Variants in NBEAL1 observed in about 807,000 individuals in gnomAD.
NBEAL1 encodes neurobeachin-like protein 1.
Under a neutral mutation model 351.3 loss-of-function variants are expected in NBEAL1, and 273 were observed. That is an observed-to-expected ratio of 0.78 (90% CI 0.70 to 0.86). The LOEUF is 0.86. Ranked by LOEUF, NBEAL1 falls within the 40% of genes least tolerant of loss-of-function variation. The pLI is 0.00. For missense variants in NBEAL1, 2,961 were observed against 3,201.3 expected (o/e 0.92, Z 1.81); for synonymous variants, 1,050 against 1,086.4 (o/e 0.97, Z 0.66).
Position 203,223,575 on chromosome 2 carries a change from A to T in NBEAL1, c.*6221A>T, listed in dbSNP as rs2065978411. Among the ~76,000 whole-genome samples, 1 of 152,082 alleles carries T rather than the reference A, an allele frequency of 6.6e-6. No individual in the cohort carries two copies. The highest frequency in any genetic ancestry group is 1.5e-5 in the Non-Finnish European group (1 of 67,924). On this transcript the variant is annotated 3_prime_UTR_variant, in exon 56 of 56. Coordinates refer to ENST00000683969, the MANE Select transcript of NBEAL1 (RefSeq NM_001378026.1). Reference sequence around the variant, plus strand: ...GTAAGATGAAGAAAAATTAGGATTTAGGTGGGATTTTTAAAAATTTATCAA... The same window carrying T: ...GTAAGATGAAGAAAAATTAGGATTTTGGTGGGATTTTTAAAAATTTATCAA...
At chr2:203,150,735 A>G (rs530066176) in intron 34 of NBEAL1, among the ~76,000 whole-genome samples, 20 of 152,242 alleles carry the variant, frequency 1.3e-4, no homozygotes, top group African/African-American at 4.6e-4. Context: ...ACTTGCAATT[A>G]TATTGCCTTT....
intron 2 of NBEAL1, among the ~76,000 whole-genome samples, chr2:203,019,982 T>C (rs2060740951): frequency 6.6e-6 from 1 of 152,194 alleles, no homozygotes; most frequent in Non-Finnish European, 1.5e-5. Flanking sequence ...TTGATTTTAT[T>C]TTTAATTGAT....
intron 36 of NBEAL1, among the ~76,000 whole-genome samples, chr2:203,162,019 A>ATTTTTT (rs780529337): frequency 2.3e-4 from 25 of 107,216 alleles, no homozygotes; most frequent in Non-Finnish European, 3.1e-4. Flanking sequence ...ATTTGATTTG[A>ATTTTTT]TTTTTTTTTT....
chr2:203,080,169 G>A (rs1574941436), intron 8 of NBEAL1, among the ~76,000 whole-genome samples: 1 of 152,034 alleles, frequency 6.6e-6, no homozygotes, highest in East Asian at 1.9e-4. Flanking sequence ...CAGCACTTTG[G>A]GAGGCTGAGG....
intron 10 of NBEAL1, among the ~76,000 whole-genome samples, chr2:203,094,898 G>T (rs1276589543): frequency 6.6e-6 from 1 of 152,170 alleles, no homozygotes; most frequent in East Asian, 1.9e-4. Flanking sequence ...AAGGCAGGCG[G>T]ATCATCTGAG....
intron 55 of NBEAL1, among the ~76,000 whole-genome samples, chr2:203,214,050 A>AT (rs968005132): frequency 1.3e-5 from 2 of 152,204 alleles, no homozygotes; most frequent in African/African-American, 4.8e-5. Flanking sequence ...TAAAAGCATC[A>AT]TTTTTTATTT....
intron 41 of NBEAL1, among the ~76,000 whole-genome samples, chr2:203,173,521 G>T (rs948065403): frequency 2.0e-5 from 3 of 152,066 alleles, no homozygotes; most frequent in Admixed American, 1.3e-4. Context: ...AGATTGATAT[G>T]AAAGTAGGTG....
intron 6 of NBEAL1, among the ~76,000 whole-genome samples, chr2:203,064,349 G>A (rs954251460): frequency 2.6e-5 from 4 of 152,042 alleles, no homozygotes; most frequent in Non-Finnish European, 5.9e-5. Context: ...CACTGCGCCC[G>A]GCCATGTGTA....
At chr2:203,089,315 C>T (rs1274325715) in intron 10 of NBEAL1, among the ~76,000 whole-genome samples, 2 of 151,626 alleles carry the variant, frequency 1.3e-5, no homozygotes, top group Non-Finnish European at 2.9e-5. Flanking sequence ...GCCGAGATCA[C>T]CCCACTGCAC....
At position 203,107,618 on chromosome 2, in the gene NBEAL1, G is replaced by T. The variant is rs1205971498; in HGVS notation, c.1379G>T (p.Gly460Val). The T allele has an allele frequency of 6.4e-7, 1 of 1,551,658 alleles. No individual in the cohort carries two copies. Among genetic ancestry groups the T allele is most frequent in the East Asian group, 2.4e-5 (1 of 40,960 alleles). The change falls in exon 14 of 56, where the codon GGT becomes GTT. Residue 460 changes from glycine (G) to valine (V), a missense_variant. Gly to Val is a moderately radical substitution (Grantham distance 109, BLOSUM62 -3). Transcript: ENST00000683969. ...TATGTTGCTTTTCAGGCTGTAGAGG[G>T]TGACCACACTTCAGTTGGGATTTTG... is the stretch of plus-strand genomic sequence containing the variant. Reference protein sequence around the residue: ...LKELMNMAVEGDHTSVGILGI... With the variant: ...LKELMNMAVEVDHTSVGILGI...
chr2:203,134,401 T>G (rs1178640069), intron 27 of NBEAL1, among the ~76,000 whole-genome samples: 3 of 152,192 alleles, frequency 2.0e-5, no homozygotes, highest in Non-Finnish European at 4.4e-5. Flanking sequence ...ACCTATAAAG[T>G]AACAGTTGCT....
At chr2:203,085,995 C>T (rs1015978340) in intron 10 of NBEAL1, 1 of 152,164 alleles carries the variant, frequency 6.6e-6, no homozygotes, top group Non-Finnish European at 1.5e-5. Context: ...AATTTTGAAG[C>T]AACCAGCTAC....
intron 12 of NBEAL1, among the ~76,000 whole-genome samples, chr2:203,106,465 A>G (rs1018936107): frequency 1.3e-5 from 2 of 152,146 alleles, no homozygotes; most frequent in Non-Finnish European, 2.9e-5. Context: ...CTTAATCTCC[A>G]TCTAATACTA....
In NBEAL1 at chr2:203,040,082, A is replaced by G. The variant is rs535129705; in HGVS notation, c.52-1683A>G. 4.3e-5 allele frequency: 34 copies of G among 783,304 alleles called. No homozygotes were observed. In the African/African-American group the frequency reaches 5.3e-4, roughly 12 times the overall value. The allele number at this position is 783,304 out of a possible 1,614,324, so 48.5% of individuals were successfully genotyped here. A position where few individuals can be genotyped will look rare whatever the true frequency, so the allele number is the denominator to read the frequency against. On this transcript the variant is annotated intron_variant, in intron 2 of 55. Coordinates refer to ENST00000683969, the MANE Select transcript of NBEAL1 (RefSeq NM_001378026.1). ...AAAATGACTTGGGGTGGGGTTGTGCATGATCAGTCCTTCAACACTAGAAAG... is the reference window on the plus strand; with the variant it reads ...AAAATGACTTGGGGTGGGGTTGTGCGTGATCAGTCCTTCAACACTAGAAAG...
chr2:203,057,386 A>G lies in NBEAL1; in HGVS notation c.448A>G (p.Ile150Val). ...ADQTCIEEFVIHALAFCESLY... is the reference protein window; with the variant it reads ...ADQTCIEEFVVHALAFCESLY... The stretch of plus-strand genomic sequence containing the variant: ...TCAGACATGTATTGAAGAATTTGTG[A>G]TCCACGCATTGGCATTTTGTGAAAG... The change falls in exon 6 of 56, where the codon ATC (isoleucine) becomes GTC (valine). Residue 150 changes from isoleucine to valine, a missense_variant. Ile to Val is a conservative substitution (Grantham distance 29). Transcript: ENST00000683969. 1 of 1,552,724 alleles carries G rather than the reference A, an allele frequency of 6.4e-7. No individual in the cohort carries two copies. The highest frequency in any genetic ancestry group is 8.7e-7 in the Non-Finnish European group (1 of 1,146,704).
intron 29 of NBEAL1, among the ~76,000 whole-genome samples, chr2:203,137,290 T>A (rs986554448): frequency 3.3e-5 from 5 of 152,238 alleles, no homozygotes; most frequent in Non-Finnish European, 5.9e-5. Flanking sequence ...GTGATTTTTT[T>A]AAGCTCATCA....
At chr2:203,162,247 C>T in intron 36 of NBEAL1, among the ~76,000 whole-genome samples, 1 of 151,890 alleles carries the variant, frequency 6.6e-6, no homozygotes, top group East Asian at 1.9e-4. Flanking sequence ...TAATCTCAAA[C>T]TCCTGACCCC....
intron 42 of NBEAL1, among the ~76,000 whole-genome samples, chr2:203,178,004 G>GC (rs746194973): frequency 2.8e-4 from 40 of 144,658 alleles, no homozygotes; most frequent in Non-Finnish European, 5.1e-4. Flanking sequence ...GGGCGACAGA[G>GC]CAATACTCCA....
chr2:203,057,031 A>C (rs2061414901), intron 5 of NBEAL1, among the ~76,000 whole-genome samples: 1 of 152,230 alleles, frequency 6.6e-6, no homozygotes, highest in South Asian at 2.1e-4. Flanking sequence ...ATTTAATTTA[A>C]AAATTTAAGT....
Sources: allele counts gnomAD v4.1 joint callset (sites outside exome capture counted in the v4.1 genomes callset), GRCh38; gene constraint gnomAD v4.1.1; transcripts MANE v1.5; gene names NCBI Gene and HGNC (gene_info 2026-07-23, HGNC 2026-07-21).